The following ARHGAP21 variants were observed in gnomAD, a reference collection of about 807,000 sequenced individuals.
ARHGAP21 encodes the protein Rho GTPase activating protein 21, also known as rho GTPase-activating protein 21.
Under a neutral mutation model 164.6 loss-of-function variants are expected in ARHGAP21, and 38 were observed. That is an observed-to-expected ratio of 0.23 (90% CI 0.18 to 0.30). The LOEUF is 0.30. ARHGAP21 is among the 10% of genes least tolerant of loss of function. The pLI is 1.00. For synonymous variants in ARHGAP21, 766 were observed against 857.9 expected (o/e 0.89, Z 1.87); for missense variants, 1,822 against 2,370.7 (o/e 0.77, Z 4.81).
intron 4 of ARHGAP21, among the ~76,000 whole-genome samples, chr10:24,640,525 C>T (rs1037015422): frequency 6.6e-6 from 1 of 151,990 alleles, no homozygotes; most frequent in African/African-American, 2.4e-5. Context: ...TGAGACTATG[C>T]TCCAATCTGA....
rs746904684 is a variant in ARHGAP21, at chr10:24,597,469, C to T, written c.3312G>A (p.Ser1104=). ...TQSPHSPKEE[S]ERKLLSKDDT... is the part of the protein sequence containing the mutation. ...TACCTTTACTGAGAAGTTTCCTTTCCGACTCTTCCTTCGGAGAGTGTGGGC... is the reference window on the plus strand; with the variant it reads ...TACCTTTACTGAGAAGTTTCCTTTCTGACTCTTCCTTCGGAGAGTGTGGGC... Residue 1104 remains serine, a synonymous_variant, in exon 16 of 26, where the codon TCG becomes TCA. Transcript: ENST00000396432. The T allele has an allele frequency of 6.8e-6, 11 of 1,613,228 alleles. No homozygotes were observed. Among genetic ancestry groups the T allele is most frequent in the East Asian group, 4.5e-5 (2 of 44,844 alleles).
chr10:24,701,305 C>T (rs962141975), intron 2 of ARHGAP21, among the ~76,000 whole-genome samples: 5 of 152,012 alleles, frequency 3.3e-5, no homozygotes, highest in African/African-American at 7.3e-5. Context: ...GTTTCCAGTT[C>T]GAAGGATCCA....
intron 2 of ARHGAP21, among the ~76,000 whole-genome samples, chr10:24,677,062 A>C (rs1028248361): frequency 2.6e-5 from 4 of 152,104 alleles, no homozygotes; most frequent in Non-Finnish European, 4.4e-5. Context: ...TCTACTAAAA[A>C]TACAAAAATT....
chr10:24,663,084 A>G lies in ARHGAP21; in HGVS notation c.268+3901T>C, dbSNP rs567419708. Reference sequence around the variant, plus strand: ...AGGACATGAATGTGTGCAGATTAGCATATATGTGGGCGGTCCTGGAAGCAA... The same window carrying G: ...AGGACATGAATGTGTGCAGATTAGCGTATATGTGGGCGGTCCTGGAAGCAA... On this transcript the variant is annotated intron_variant, in intron 4 of 25. Transcript: ENST00000396432. 1.0e-3 allele frequency among the ~76,000 whole-genome samples: 159 copies of G among 152,170 alleles called. 2 individuals are homozygous for G. Among genetic ancestry groups the G allele is most frequent in the Admixed American group, 5.0e-3 (76 of 15,284 alleles).
In ARHGAP21 at chr10:24,619,816, G is replaced by C; in HGVS notation, c.2079C>G (p.Ala693=). ...PSLSGASAKP[A]PQSSENAGTS... is the part of the protein sequence containing the mutation. ...TACCAGCGTTTTCACTCGACTGAGG[G>C]GCAGGCTTGGCAGAGGCTCCAGATA... The change falls in exon 9 of 26, where the codon GCC becomes GCG. Residue 693 remains alanine (A), a synonymous_variant. Coordinates refer to ENST00000396432, the MANE Select transcript of ARHGAP21 (RefSeq NM_020824.4). 1 of 1,614,104 alleles carries C rather than the reference G, an allele frequency of 6.2e-7. No homozygotes were observed. Among genetic ancestry groups the C allele is most frequent in the South Asian group, 1.1e-5 (1 of 91,074 alleles).
intron 24 of ARHGAP21, chr10:24,590,534 T>C: frequency 1.3e-6 from 2 of 1,521,150 alleles, no homozygotes; most frequent in South Asian, 2.4e-5. Context: ...AAAAACCCTT[T>C]AGGACTAAAA....
intron 2 of ARHGAP21, among the ~76,000 whole-genome samples, chr10:24,718,170 AGAGT>A (rs1192015365): frequency 6.6e-6 from 1 of 152,194 alleles, no homozygotes; most frequent in African/African-American, 2.4e-5. Context: ...ACGAGACGGA[AGAGT>A]GAGAATGCTG....
chr10:24,659,993 C>T (rs910570474), intron 4 of ARHGAP21, among the ~76,000 whole-genome samples: 1 of 152,144 alleles, frequency 6.6e-6, no homozygotes, highest in Non-Finnish European at 1.5e-5. Flanking sequence ...CATGCAAAGT[C>T]TTAGAATGCA....
At chr10:24,677,156 G>A (rs574822558) in intron 2 of ARHGAP21, among the ~76,000 whole-genome samples, 1 of 152,290 alleles carries the variant, frequency 6.6e-6, no homozygotes, top group Admixed American at 6.5e-5. Context: ...GGAGGCGGAG[G>A]TTGCAGTGAG....
intron 2 of ARHGAP21, among the ~76,000 whole-genome samples, chr10:24,678,910 C>T (rs1018542999): frequency 6.6e-6 from 1 of 152,210 alleles, no homozygotes; most frequent in Non-Finnish European, 1.5e-5. Context: ...ATTCTCTGGA[C>T]ATTCACCGAG....
At chr10:24,697,701 A>G (rs1037896692) in intron 2 of ARHGAP21, among the ~76,000 whole-genome samples, 4 of 152,042 alleles carry the variant, frequency 2.6e-5, no homozygotes, top group Admixed American at 2.6e-4. Flanking sequence ...TACTGAAAAA[A>G]TACAAAAAAT....
chr10:24,702,561 T>C (rs1433879199), intron 2 of ARHGAP21, among the ~76,000 whole-genome samples: 1 of 152,014 alleles, frequency 6.6e-6, no homozygotes, highest in Non-Finnish European at 1.5e-5. Flanking sequence ...AAAAAATGTA[T>C]TGTTTTAAGG....
intron 2 of ARHGAP21, among the ~76,000 whole-genome samples, chr10:24,685,014 T>C (rs545101637): frequency 3.0e-4 from 46 of 152,318 alleles, no homozygotes; most frequent in African/African-American, 1.1e-3. Flanking sequence ...TACACTTTAG[T>C]TTCCTTTTTT....
At chr10:24,592,158 T>G (rs1408765236) in intron 21 of ARHGAP21, 146 bp from the exon 22 acceptor site, 1 of 46,056 alleles carries the variant, frequency 2.2e-5, no homozygotes, top group African/African-American at 2.1e-4. Context: ...CTAGCAAGAT[T>G]TTTTTTTTTT....
At chr10:24,636,535 A>G (rs1836403867) in intron 4 of ARHGAP21, among the ~76,000 whole-genome samples, 1 of 152,252 alleles carries the variant, frequency 6.6e-6, no homozygotes, top group Admixed American at 6.5e-5. Context: ...CTTGTTAAAC[A>G]GCAATACTGG....
rs1239633777 is a variant in ARHGAP21, at chr10:24,597,957, T to C, written c.3185A>G (p.Asn1062Ser). 2 of 1,613,362 alleles carry C rather than the reference T, an allele frequency of 1.2e-6. No individual in the cohort carries two copies. Among genetic ancestry groups the C allele is most frequent in the African/African-American group, 1.3e-5 (1 of 74,914 alleles). ...GTGGGATTCTCACCTCATCAGATTG[T>C]TGTATTCTTTTATTCTTCGACTAAT... The part of the protein sequence containing the change: ...DLISRRIKEY[N>S]NLMSKAEQLP... The change falls in exon 15 of 26, where the codon AAC (asparagine) becomes AGC (serine). Residue 1062 changes from asparagine (N) to serine (S), a missense_variant. Physicochemically the swap from Asn to Ser is conservative, Grantham distance 46. Transcript: ENST00000396432.
At chr10:24,671,719 CA>C (rs1349824708) in intron 2 of ARHGAP21, among the ~76,000 whole-genome samples, 17 of 149,466 alleles carry the variant, frequency 1.1e-4, no homozygotes, top group African/African-American at 4.0e-4. Flanking sequence ...TTAATCTTAA[CA>C]AAATTTTTTT....
At position 24,635,039 on chromosome 10, in the gene ARHGAP21, T is replaced by A; in HGVS notation, c.333A>T (p.Gly111=). 2 of 1,600,056 alleles carry A rather than the reference T, an allele frequency of 1.2e-6. No individual in the cohort carries two copies. Among genetic ancestry groups the A allele is most frequent in the East Asian group, 4.5e-5 (2 of 44,570 alleles). Residue 111 remains glycine (G), a synonymous_variant, in exon 5 of 26, where the codon GGA becomes GGT. Transcript: ENST00000396432. ...TACATAATCCAGCTTCAAAAGCAGGTCCTCCTTCTTTAACTTGCTTAACAA... is the reference window on the plus strand; with the variant it reads ...TACATAATCCAGCTTCAAAAGCAGGACCTCCTTCTTTAACTTGCTTAACAA... ...TIFVKQVKEG[G]PAFEAGLCTG... is the part of the protein sequence containing the mutation.
chr10:24,720,961 T>C (rs1845863403), intron 2 of ARHGAP21, among the ~76,000 whole-genome samples: 1 of 148,718 alleles, frequency 6.7e-6, no homozygotes, highest in East Asian at 2.0e-4. Flanking sequence ...ATAATAGAAG[T>C]AAATTCCGAA....
Sources: allele counts gnomAD v4.1 joint callset (sites outside exome capture counted in the v4.1 genomes callset), GRCh38; gene constraint gnomAD v4.1.1; transcripts MANE v1.5; gene names NCBI Gene and HGNC (gene_info 2026-07-23, HGNC 2026-07-21).